The following SEPHS1 variants were observed in gnomAD, a reference collection of about 807,000 sequenced individuals.
SEPHS1 encodes the protein selenophosphate synthetase 1.
SEPHS1 carries 7 observed loss-of-function variants against 39.2 expected under a neutral mutation model. The ratio of observed to expected loss-of-function variants is 0.18; its 90% confidence interval spans 0.10 to 0.34. The LOEUF is 0.34. Among genes scored for constraint, SEPHS1 ranks in the 10% least tolerant of loss-of-function variants. The pLI is 1.00. For synonymous variants in SEPHS1, 190 were observed against 195.5 expected, an observed-to-expected ratio of 0.97 and a Z score of 0.23; for missense variants, 253 against 514.5, an observed-to-expected ratio of 0.49 and a Z score of 4.92.
intron 5 of SEPHS1, among the ~76,000 whole-genome samples, chr10:13,330,173 G>A (rs1431940110): frequency 1.3e-5 from 2 of 152,174 alleles, no homozygotes; most frequent in African/African-American, 4.8e-5. Flanking sequence ...ATCAGGCCCA[G>A]ATTTCCCCTC....
intron 4 of SEPHS1, among the ~76,000 whole-genome samples, chr10:13,335,907 G>A (rs1401760579): frequency 6.6e-6 from 1 of 150,994 alleles, no homozygotes; most frequent in African/African-American, 2.4e-5. Context: ...TTGAACCCGG[G>A]AGGCGGAGGT....
intron 8 of SEPHS1, among the ~76,000 whole-genome samples, chr10:13,322,329 G>C (rs1833142632): frequency 1.3e-5 from 2 of 151,436 alleles, no homozygotes; most frequent in African/African-American, 4.9e-5. Flanking sequence ...TATTTTTAGT[G>C]AAGATGGGGT....
At chr10:13,335,769 C>A (rs1193400972) in intron 4 of SEPHS1, among the ~76,000 whole-genome samples, 2 of 151,966 alleles carry the variant, frequency 1.3e-5, no homozygotes, top group Non-Finnish European at 2.9e-5. Context: ...TACCTGAGGT[C>A]AGGAGTTCAG....
At chr10:13,323,776 C>CT (rs1394115418) in intron 7 of SEPHS1, among the ~76,000 whole-genome samples, 1 of 150,102 alleles carries the variant, frequency 6.7e-6, no homozygotes, top group African/African-American at 2.5e-5. Context: ...GAGTCTTGCT[C>CT]TATTGACCAG....
At position 13,344,738 on chromosome 10, in the gene SEPHS1, A is replaced by G. The variant is rs779918757; in HGVS notation, c.193+20T>C. 4 of 1,453,442 alleles carry G rather than the reference A, an allele frequency of 2.8e-6. No individual in the cohort carries two copies. The East Asian group carries it at 1.0e-4, about 37-fold the overall frequency. 90.0% of individuals were successfully genotyped at this position (1,453,442 alleles called of 1,614,324 possible). A position where few individuals can be genotyped will look rare whatever the true frequency, so the allele number is the denominator to read the frequency against. On this transcript the variant is annotated intron_variant, in intron 2 of 8. Coordinates refer to ENST00000327347, the MANE Select transcript of SEPHS1 (RefSeq NM_012247.5). ...CACTGATTGGATCGCAGACCATCAA[A>G]GAAACACTGGGTTACCTACCAAGCC...
At chr10:13,340,194 C>T (rs1243603821) in intron 2 of SEPHS1, among the ~76,000 whole-genome samples, 1 of 152,142 alleles carries the variant, frequency 6.6e-6, no homozygotes, top group Admixed American at 6.5e-5. Flanking sequence ...GGCACCAGAT[C>T]TTTCCTGCTG....
At chr10:13,342,550 C>A (rs187508989) in intron 2 of SEPHS1, among the ~76,000 whole-genome samples, 1 of 152,158 alleles carries the variant, frequency 6.6e-6, no homozygotes, top group Non-Finnish European at 1.5e-5. Context: ...TGTGCCACTG[C>A]ACTCCAGCCT....
At chr10:13,333,405 T>C (rs1460810474) in intron 5 of SEPHS1, among the ~76,000 whole-genome samples, 1 of 150,296 alleles carries the variant, frequency 6.7e-6, no homozygotes, top group Non-Finnish European at 1.5e-5. Flanking sequence ...AGCGCTGGGA[T>C]TACAGGCATG....
chr10:13,347,347 G>C (rs1404011315), intron 1 of SEPHS1: 1 of 151,932 alleles, frequency 6.6e-6, no homozygotes, highest in African/African-American at 2.4e-5. Flanking sequence ...GGGGAGGGGA[G>C]CAAGGAACCC....
At chr10:13,320,250 C>T (rs201013214) in intron 8 of SEPHS1, among the ~76,000 whole-genome samples, 37 of 150,442 alleles carry the variant, frequency 2.5e-4, no homozygotes, top group East Asian at 3.9e-4. Context: ...GGTGTGATCT[C>T]GGCTCACTGC....
chr10:13,322,784 C>A, intron 8 of SEPHS1, 51 bp downstream of exon 8: 1 of 1,559,146 alleles, frequency 6.4e-7, no homozygotes, highest in African/African-American at 1.4e-5. Flanking sequence ...TCTCGCTGAG[C>A]TTTCTGTTAG....
At chr10:13,334,620 G>A (rs973210115) in intron 4 of SEPHS1, among the ~76,000 whole-genome samples, 1 of 152,022 alleles carries the variant, frequency 6.6e-6, no homozygotes, top group Admixed American at 6.5e-5. Flanking sequence ...TGAAGTGGGA[G>A]GATGTCTTGA....
chr10:13,335,489 C>T (rs1034337310), intron 4 of SEPHS1, among the ~76,000 whole-genome samples: 15 of 150,544 alleles, frequency 1.0e-4, no homozygotes, highest in African/African-American at 3.7e-4. Flanking sequence ...CATGGTGAAA[C>T]CCCATCTCTA....
At chr10:13,323,273 A>C (rs1416446388) in intron 7 of SEPHS1, among the ~76,000 whole-genome samples, 1 of 152,226 alleles carries the variant, frequency 6.6e-6, no homozygotes, top group African/African-American at 2.4e-5. Context: ...GTAGTTTTCC[A>C]GTAAACTAAA....
rs758260517 is a variant in SEPHS1, at chr10:13,323,016, G to A, written c.783C>T (p.His261=). The change falls in exon 8 of 9, where the codon CAC becomes CAT. Residue 261 remains histidine, a synonymous_variant. Transcript: ENST00000327347. ...CGAAGCCCGTGATGTCAGTGGCGGC[G>A]TGGGCATTGAACGTGTGCATGAGTC... The part of the protein sequence containing the change: ...AAGLMHTFNA[H]AATDITGFGI... 5.0e-6 allele frequency: 8 copies of A among 1,613,976 alleles called. No individual in the cohort carries two copies. The highest frequency in any genetic ancestry group is 2.7e-5 in the African/African-American group (2 of 74,902).
chr10:13,337,392 G>T lies in SEPHS1; in HGVS notation c.298-1042C>A, dbSNP rs140301671. On this transcript the variant is annotated intron_variant, in intron 3 of 8. Coordinates refer to ENST00000327347, the MANE Select transcript of SEPHS1 (RefSeq NM_012247.5). Reference sequence around the variant, plus strand: ...TTATTGCCACTGGAGATTTTTAAAAGTTAAGTTGCCCTTATCTAAATTTTT... The same window carrying T: ...TTATTGCCACTGGAGATTTTTAAAATTTAAGTTGCCCTTATCTAAATTTTT... 1.6e-4 allele frequency among the ~76,000 whole-genome samples: 25 copies of T among 152,264 alleles called. No individual in the cohort carries two copies. The East Asian group carries it at 4.6e-3, about 28-fold the overall frequency.
At chr10:13,336,834 T>G (rs1157457164) in intron 3 of SEPHS1, among the ~76,000 whole-genome samples, 2 of 152,166 alleles carry the variant, frequency 1.3e-5, no homozygotes, top group African/African-American at 4.8e-5. Context: ...GGAGATAGTC[T>G]TTGTGCACTT....
intron 7 of SEPHS1, 79 bp from the exon 8 acceptor site, chr10:13,323,126 A>T: frequency 9.1e-7 from 1 of 1,094,244 alleles, no homozygotes; most frequent in Non-Finnish European, 1.4e-6. Flanking sequence ...TTAATCTGCA[A>T]CTTCCTTACT....
intron 2 of SEPHS1, among the ~76,000 whole-genome samples, chr10:13,342,217 A>G (rs1833809970): frequency 1.3e-5 from 2 of 150,906 alleles, no homozygotes; most frequent in African/African-American, 4.9e-5. Context: ...CAATGAGCGG[A>G]GATCGCGCCA....
Sources: gnomAD v4.1 joint callset for allele counts (sites outside exome capture counted in the v4.1 genomes callset) on GRCh38, gnomAD v4.1.1 for gene constraint, MANE v1.5 for transcripts, NCBI Gene and HGNC (gene_info 2026-07-23, HGNC 2026-07-21) for gene names.